Variants in F2 observed in about 807,000 individuals in gnomAD.
F2 encodes coagulation factor II, thrombin.
In F2, 34 loss-of-function variants were observed where a neutral mutation model predicts 81.9. The ratio of observed to expected loss-of-function variants is 0.42; its 90% CI spans 0.32 to 0.55. The LOEUF is 0.55. F2 is among the 20% of genes least tolerant of loss of function. F2 has a pLI of 0.18. For missense variants in F2, 630 were observed against 833.4 expected (o/e 0.76, Z 3.00); for synonymous variants, 296 against 326.4 (o/e 0.91, Z 1.01).
intron 12 of F2, among the ~76,000 whole-genome samples, chr11:46,730,997 A>G (rs1431760365): frequency 1.3e-5 from 2 of 151,942 alleles, no homozygotes; most frequent in African/African-American, 2.4e-5. Context: ...GCTCACTGCA[A>G]CCTCCTGCTC....
At chr11:46,736,950 G>T (rs3136501) in intron 12 of F2, among the ~76,000 whole-genome samples, 2,917 of 152,174 alleles carry the variant, frequency 0.019, 94 homozygotes, top group African/African-American at 0.067. Flanking sequence ...GATAAGAAAC[G>T]TTTTCCTATT....
chr11:46,738,887 G>C (rs956013480), intron 12 of F2, among the ~76,000 whole-genome samples, 161 bp from the exon 13 acceptor site: 2 of 152,222 alleles, frequency 1.3e-5, no homozygotes, highest in African/African-American at 4.8e-5. Flanking sequence ...GCTGAAGGTA[G>C]AGCCGACAAG....
In F2 at chr11:46,719,585, C is replaced by A; in HGVS notation, c.80-117C>A. 7.3e-7 allele frequency: 1 copy of A among 1,379,086 alleles called. No homozygotes were observed. 85.4% of individuals were successfully genotyped at this position (1,379,086 alleles called of 1,614,324 possible). ...CAGCCTTCCAGGCACTTCCACCAGC[C>A]CAGACAGCCTCTCTCAGAAGCCAGC... is the stretch of plus-strand genomic sequence containing the variant. On this transcript the variant is annotated intron_variant, in intron 1 of 13. Coordinates refer to ENST00000311907, the MANE Select transcript of F2 (RefSeq NM_000506.5). The surrounding 1 kb of genome is among the most constrained non-coding windows in gnomAD (Gnocchi z 4.7).
chr11:46,738,918 T>G, intron 12 of F2, 130 bp from the exon 13 acceptor site: 1 of 892,570 alleles, frequency 1.1e-6, no homozygotes, highest in Non-Finnish European at 1.9e-6. Context: ...ATTGGATGGG[T>G]AGGGTGAGGA....
Position 46,723,616 on chromosome 11 carries a change from C to A in F2, c.559+98C>A. 1 of 1,437,314 alleles carries A rather than the reference C, an allele frequency of 7.0e-7. No homozygotes were observed. The highest frequency in any genetic ancestry group is 9.5e-7 in the Non-Finnish European group (1 of 1,053,966). 89.0% of individuals were successfully genotyped at this position (1,437,314 alleles called of 1,614,324 possible). ...GAACCAAGAATACTGGCTACCCAGG[C>A]ACAGTGGCTCATGCCCGTAATCCCA... On this transcript the variant is annotated intron_variant, in intron 6 of 13. Coordinates refer to ENST00000311907, the MANE Select transcript of F2 (RefSeq NM_000506.5). This position sits in a 1 kb window ranked among gnomAD's most constrained non-coding sequence, Gnocchi z 5.6.
intron 12 of F2, among the ~76,000 whole-genome samples, chr11:46,734,801 ACT>A (rs1159558706): frequency 1.3e-5 from 2 of 152,094 alleles, no homozygotes; most frequent in Non-Finnish European, 1.5e-5. Context: ...ACAGAGCAAG[ACT>A]CTGTCTCAAA....
chr11:46,725,640 C>A (rs533608193), intron 6 of F2, among the ~76,000 whole-genome samples: 1 of 152,282 alleles, frequency 6.6e-6, no homozygotes, highest in East Asian at 1.9e-4. Flanking sequence ...TTATTATGTG[C>A]CAGACACTTA....
At chr11:46,737,818 A>T (rs1392451610) in intron 12 of F2, among the ~76,000 whole-genome samples, 2 of 146,738 alleles carry the variant, frequency 1.4e-5, no homozygotes, top group African/African-American at 5.0e-5. Context: ...TGTCTGGTTT[A>T]CTTTGCTGTT....
intron 2 of F2, chr11:46,720,177 G>A (rs1565700947): frequency 1.8e-6 from 1 of 545,724 alleles, no homozygotes; most frequent in East Asian, 3.2e-5. Flanking sequence ...CTTGAGGGGT[G>A]GGACTCTGGG....
Position 46,723,759 on chromosome 11 carries a change from G to T in F2, c.559+241G>T, listed in dbSNP as rs544552970. 1.3e-5 allele frequency among the ~76,000 whole-genome samples: 2 copies of T among 152,118 alleles called. No individual in the cohort carries two copies. Among genetic ancestry groups the T allele is most frequent in the Non-Finnish European group, 2.9e-5 (2 of 68,020 alleles). ...TACAAAAATTGCCAGGCGTGGTGGT[G>T]GGCGCCTGTAATCCCAACTACTCTG... is the stretch of plus-strand genomic sequence containing the variant. On this transcript the variant is annotated intron_variant, in intron 6 of 13. Transcript: ENST00000311907. The surrounding 1 kb of genome is among the most constrained non-coding windows in gnomAD (Gnocchi z 5.6).
chr11:46,719,700 A>G lies in F2; in HGVS notation c.80-2A>G, dbSNP rs1450722007. ...TCCCATGACCCCCCCACCGCCTTAC[A>G]GTGTTCCTGGCTCCTCAGCAAGCAC... is the stretch of plus-strand genomic sequence containing the variant. On this transcript the variant is annotated splice_acceptor_variant, in intron 1 of 13. Transcript: ENST00000311907. LOFTEE classifies it high-confidence loss of function. This position sits in a 1 kb window ranked among gnomAD's most constrained non-coding sequence, Gnocchi z 4.7. The G allele has an allele frequency of 6.3e-7, 1 of 1,587,558 alleles. No individual in the cohort carries two copies. The highest frequency in any genetic ancestry group is 2.3e-5 in the East Asian group (1 of 43,780).
intron 12 of F2, 109 bp downstream of exon 12, chr11:46,729,670 G>A: frequency 7.9e-7 from 1 of 1,271,664 alleles, no homozygotes. Flanking sequence ...TAACCTCTTG[G>A]TGGCTCAGTT....
chr11:46,730,621 G>C (rs1001640532), intron 12 of F2, among the ~76,000 whole-genome samples: 1 of 151,898 alleles, frequency 6.6e-6, no homozygotes, highest in Non-Finnish European at 1.5e-5. Flanking sequence ...GGAAGTTATT[G>C]AGGGGCTTGA....
In F2 at chr11:46,726,054, A is replaced by C. The variant is rs940490729; in HGVS notation, c.755A>C (p.Asn252Thr). 4 of 1,614,122 alleles carry C rather than the reference A, an allele frequency of 2.5e-6. No individual in the cohort carries two copies. In the African/African-American group the frequency reaches 5.3e-5, roughly 22 times the overall value. Reference sequence around the variant, plus strand: ...GCCCTGAGCAAGCACCAGGACTTCAACTCAGCTGTGCAGCTGGTGGAGAAC... The same window carrying C: ...GCCCTGAGCAAGCACCAGGACTTCACCTCAGCTGTGCAGCTGGTGGAGAAC... Reference protein sequence around the residue: ...AKALSKHQDFNSAVQLVENFC... With the variant: ...AKALSKHQDFTSAVQLVENFC... Residue 252 changes from asparagine (N) to threonine (T), a missense_variant, in exon 7 of 14, where the codon AAC becomes ACC. Asn to Thr is a moderately conservative substitution (Grantham distance 65). Coordinates refer to ENST00000311907, the MANE Select transcript of F2 (RefSeq NM_000506.5). The surrounding 1 kb of genome is among the most constrained non-coding windows in gnomAD (Gnocchi z 5.9).
rs752446552 is a variant in F2, at chr11:46,719,788, C to T, written c.166C>T (p.Leu56=). ...TFLEEVRKGN[L]ERECVEETCS... is the part of the protein sequence containing the mutation. ...CTTGGAGGAGGTGCGCAAGGGCAAC[C>T]TGGAGCGAGAGTGCGTGGAGGAGAC... The change falls in exon 2 of 14, where the codon CTG becomes TTG. Residue 56 remains leucine, a synonymous_variant. Transcript: ENST00000311907. This position sits in a 1 kb window ranked among gnomAD's most constrained non-coding sequence, Gnocchi z 4.7. The T allele has an allele frequency of 6.3e-7, 1 of 1,597,512 alleles. No individual in the cohort carries two copies. The highest frequency in any genetic ancestry group is 1.7e-5 in the Admixed American group (1 of 57,164).
In F2 at chr11:46,719,649, A is replaced by G; in HGVS notation, c.80-53A>G. ...CTTGCTTCATGCCCCCAGAATGGCCAAGACTGCCTGTTCCTGAGGCCGCTG... is the reference window on the plus strand; with the variant it reads ...CTTGCTTCATGCCCCCAGAATGGCCGAGACTGCCTGTTCCTGAGGCCGCTG... On this transcript the variant is annotated intron_variant, in intron 1 of 13. Coordinates refer to ENST00000311907, the MANE Select transcript of F2 (RefSeq NM_000506.5). The surrounding 1 kb of genome is among the most constrained non-coding windows in gnomAD (Gnocchi z 4.7). 6.4e-7 allele frequency: 1 copy of G among 1,554,374 alleles called. No individual in the cohort carries two copies. The highest frequency in any genetic ancestry group is 8.7e-7 in the Non-Finnish European group (1 of 1,149,966).
chr11:46,738,636 G>A (rs1276830040), intron 12 of F2, among the ~76,000 whole-genome samples: 2 of 151,970 alleles, frequency 1.3e-5, no homozygotes, highest in Admixed American at 1.3e-4. Context: ...ACCATGCCCA[G>A]CTAATTTTTT....
rs186574179 is a variant in F2, at chr11:46,729,952, G to C, written c.1654+391G>C. Among the ~76,000 whole-genome samples the C allele has an allele frequency of 2.7e-5, 4 of 147,102 alleles. No homozygotes were observed. In the East Asian group the frequency reaches 7.9e-4, roughly 29 times the overall value. On this transcript the variant is annotated intron_variant, in intron 12 of 13. Transcript: ENST00000311907. ...CTCAGAGAGCTTCCTTCCTAGGAGG[G>C]CACATCCATAAACAGATCTAAAACA...
In F2 at chr11:46,720,531, C is replaced by T; in HGVS notation, c.249C>T (p.Phe83=). 6.2e-7 allele frequency: 1 copy of T among 1,614,156 alleles called. No homozygotes were observed. The highest frequency in any genetic ancestry group is 8.5e-7 in the Non-Finnish European group (1 of 1,180,024). The part of the protein sequence containing the change: ...ALESSTATDV[F]WAKYTACETA... The stretch of plus-strand genomic sequence containing the variant: ...CAGCCCTTGTTTTTCAGGATGTGTT[C>T]TGGGCCAAGTACACAGGTGAGCACC... Residue 83 remains phenylalanine, a synonymous_variant, in exon 3 of 14, where the codon TTC becomes TTT. Coordinates refer to ENST00000311907, the MANE Select transcript of F2 (RefSeq NM_000506.5).
Sources: allele counts gnomAD v4.1 joint callset (sites outside exome capture counted in the v4.1 genomes callset), GRCh38; gene constraint gnomAD v4.1.1; non-coding constraint Gnocchi (gnomAD v3.1); transcripts MANE v1.5; gene names NCBI Gene and HGNC (gene_info 2026-07-23, HGNC 2026-07-21).